Variants in DENND2A observed in about 807,000 individuals in gnomAD.
DENND2A encodes DENN domain containing 2A, also known as DENN domain-containing protein 2A.
DENND2A carries 53 observed loss-of-function variants against 105.3 expected under a neutral mutation model. The observed-to-expected ratio is 0.50, with a 90% CI of 0.40 to 0.63. The LOEUF (loss-of-function observed/expected upper bound fraction) is 0.63, where lower values mean the gene tolerates loss of function less well. Ranked by LOEUF, DENND2A falls within the 30% of genes least tolerant of loss-of-function variation. The pLI is 0.00. For synonymous variants in DENND2A, 522 were observed against 508.4 expected, an observed-to-expected ratio of 1.03 and a Z score of -0.36; for missense variants, 1,138 against 1,279.6, an observed-to-expected ratio of 0.89 and a Z score of 1.69.
Position 140,591,618 on chromosome 7 carries a change from T to G in DENND2A, c.996-3838A>C, listed in dbSNP as rs190553116. Among the ~76,000 whole-genome samples the G allele has an allele frequency of 1.9e-4, 29 of 152,248 alleles. No individual in the cohort carries two copies. In the East Asian group the frequency reaches 5.2e-3, roughly 27 times the overall value. Reference sequence around the variant, plus strand: ...ATGCCAAAGCATTTAGAAAGTTAGCTCTTCCTAGCAGTTCTTTATTTTCCC... The same window carrying G: ...ATGCCAAAGCATTTAGAAAGTTAGCGCTTCCTAGCAGTTCTTTATTTTCCC... On this transcript the variant is annotated intron_variant, in intron 3 of 19. Coordinates refer to ENST00000496613, the MANE Select transcript of DENND2A (RefSeq NM_015689.5).
chr7:140,583,472 C>T (rs943469435), intron 5 of DENND2A, among the ~76,000 whole-genome samples: 2 of 149,958 alleles, frequency 1.3e-5, no homozygotes, highest in Non-Finnish European at 1.5e-5. Flanking sequence ...GGAGAGGTCC[C>T]GGTAAGAGCC....
chr7:140,586,256 C>T (rs1157769784), intron 4 of DENND2A, among the ~76,000 whole-genome samples: 1 of 151,984 alleles, frequency 6.6e-6, no homozygotes, highest in Non-Finnish European at 1.5e-5. Flanking sequence ...CGGTGGCTCA[C>T]ACCTGTAATC....
intron 1 of DENND2A, among the ~76,000 whole-genome samples, chr7:140,608,151 C>G (rs1428888818): frequency 1.3e-5 from 2 of 152,122 alleles, no homozygotes; most frequent in East Asian, 3.9e-4. Flanking sequence ...TAAGTGAACT[C>G]ACTTCCCATC....
At chr7:140,618,457 G>A (rs1328202059) in intron 1 of DENND2A, among the ~76,000 whole-genome samples, 1 of 152,192 alleles carries the variant, frequency 6.6e-6, no homozygotes, top group Non-Finnish European at 1.5e-5. Context: ...AGAAATCAAT[G>A]TTAGTGTTCC....
intron 1 of DENND2A, among the ~76,000 whole-genome samples, chr7:140,620,619 GGTCT>G (rs1800253964): frequency 6.6e-6 from 1 of 152,116 alleles, no homozygotes; most frequent in Non-Finnish European, 1.5e-5. Flanking sequence ...TGGGTGTCTG[GGTCT>G]GCCCTGCGGT....
At position 140,630,647 on chromosome 7, in the gene DENND2A, C is replaced by T. The variant is rs190329506; in HGVS notation, c.-248+9857G>A. Among the ~76,000 whole-genome samples, 4 of 152,048 alleles carry T rather than the reference C, an allele frequency of 2.6e-5. No individual in the cohort carries two copies. In the East Asian group the frequency reaches 7.7e-4, roughly 29 times the overall value. On this transcript the variant is annotated intron_variant, in intron 1 of 19. Coordinates refer to ENST00000496613, the MANE Select transcript of DENND2A (RefSeq NM_015689.5). Reference sequence around the variant, plus strand: ...ATCATTTGAGGTCAGGAGTTCGAGACCAAACTGACCAACACGGTGAAAGCC... The same window carrying T: ...ATCATTTGAGGTCAGGAGTTCGAGATCAAACTGACCAACACGGTGAAAGCC...
chr7:140,631,422 C>A, intron 1 of DENND2A, among the ~76,000 whole-genome samples: 1 of 151,986 alleles, frequency 6.6e-6, no homozygotes, highest in East Asian at 1.9e-4. Flanking sequence ...CAGTTCTGTA[C>A]CAGACCAGGA....
intron 6 of DENND2A, 34 bp downstream of exon 6, chr7:140,573,774 C>G (rs1429080330): frequency 1.9e-6 from 3 of 1,605,316 alleles, no homozygotes; most frequent in East Asian, 4.5e-5. Flanking sequence ...AGGGGTCATG[C>G]ATACCTGAGC....
intron 1 of DENND2A, among the ~76,000 whole-genome samples, chr7:140,633,028 A>ATT (rs1181300571): frequency 3.0e-5 from 4 of 131,338 alleles, no homozygotes; most frequent in Non-Finnish European, 3.3e-5. Flanking sequence ...TGCCCAGCTA[A>ATT]TTTTTTTTTT....
intron 12 of DENND2A, among the ~76,000 whole-genome samples, chr7:140,549,972 C>A (rs192726567): frequency 6.6e-6 from 1 of 152,090 alleles, no homozygotes; most frequent in African/African-American, 2.4e-5. Context: ...ATACATGCTA[C>A]GACATGAGTG....
intron 3 of DENND2A, 22 bp from the exon 4 acceptor site, chr7:140,587,802 G>GA (rs1242550255): frequency 2.6e-6 from 4 of 1,522,018 alleles, no homozygotes; most frequent in Non-Finnish European, 3.5e-6. Flanking sequence ...CAGATGGGAG[G>GA]AAAAAACAAA....
intron 12 of DENND2A, among the ~76,000 whole-genome samples, chr7:140,553,963 T>C (rs1797252286): frequency 6.6e-6 from 1 of 152,166 alleles, no homozygotes; most frequent in African/African-American, 2.4e-5. Context: ...TGCAGTGGCT[T>C]GTGCCTGTAA....
intron 1 of DENND2A, among the ~76,000 whole-genome samples, chr7:140,633,637 G>A (rs1292329176): frequency 6.6e-6 from 1 of 152,170 alleles, no homozygotes; most frequent in Admixed American, 6.5e-5. Context: ...GCTTTGCTAG[G>A]TTGGCTCTTT....
chr7:140,551,924 G>A (rs1184991127), intron 12 of DENND2A, among the ~76,000 whole-genome samples: 1 of 152,194 alleles, frequency 6.6e-6, no homozygotes, highest in Non-Finnish European at 1.5e-5. Flanking sequence ...TCCCTGGTCA[G>A]AAAACAGACA....
In DENND2A at chr7:140,522,009, C is replaced by T. The variant is rs756130122; in HGVS notation, c.2757G>A (p.Thr919=). 19 of 1,614,052 alleles carry T rather than the reference C, an allele frequency of 1.2e-5. No homozygotes were observed. The highest frequency in any genetic ancestry group is 1.6e-5 in the Non-Finnish European group (19 of 1,180,050). ...GGGTTCTCTCCTCACGCTCGCCCGA[C>T]GTCAGGAACAAAGAGTAGTGTCCCA... ...EIVGHYSLFL[T]SGEREERTLQ... The change falls in exon 18 of 20, where the codon ACG becomes ACA. Residue 919 remains threonine, a synonymous_variant. Transcript: ENST00000496613.
intron 12 of DENND2A, among the ~76,000 whole-genome samples, chr7:140,553,821 T>C (rs1173986584): frequency 6.6e-6 from 1 of 152,222 alleles, no homozygotes; most frequent in Non-Finnish European, 1.5e-5. Context: ...GGTAAGGTTA[T>C]AGATTAACAG....
chr7:140,567,336 G>A, intron 8 of DENND2A, 63 bp from the exon 9 acceptor site: 1 of 1,322,648 alleles, frequency 7.6e-7, no homozygotes. Context: ...GAGAGAGAGA[G>A]AGAGAGAGAC....
intron 3 of DENND2A, among the ~76,000 whole-genome samples, chr7:140,599,210 C>T (rs576856396): frequency 9.2e-5 from 14 of 151,858 alleles, no homozygotes; most frequent in Non-Finnish European, 1.5e-4. Flanking sequence ...TGGTGGCGTG[C>T]GCCTGTAATC....
intron 1 of DENND2A, among the ~76,000 whole-genome samples, chr7:140,633,531 G>T (rs1283177461): frequency 6.6e-6 from 1 of 152,132 alleles, no homozygotes; most frequent in East Asian, 1.9e-4. Context: ...CCATAAACTT[G>T]CAGAGAATTT....
Sources: gnomAD v4.1 joint callset for allele counts (sites outside exome capture counted in the v4.1 genomes callset) on GRCh38, gnomAD v4.1.1 for gene constraint, MANE v1.5 for transcripts, NCBI Gene and HGNC (gene_info 2026-07-23, HGNC 2026-07-21) for gene names.